EBF2: variants seen among roughly 807,000 people sequenced by gnomAD.
EBF2 encodes transcription factor COE2.
EBF2 carries 21 observed loss-of-function variants against 72.8 expected under a neutral mutation model. The ratio of observed to expected loss-of-function variants is 0.29; its 90% CI spans 0.20 to 0.42. The LOEUF (loss-of-function observed/expected upper bound fraction) is 0.42. EBF2 is among the 10% of genes least tolerant of loss of function. EBF2 has a pLI of 1.00. For synonymous variants in EBF2, 299 were observed against 274.2 expected, an observed-to-expected ratio of 1.09 and a Z score of -0.89; for missense variants, 637 against 731.2, an observed-to-expected ratio of 0.87 and a Z score of 1.49.
Position 25,843,324 on chromosome 8 carries a change from C to T in EBF2, c.*1285G>A, listed in dbSNP as rs1801769860. 2 of 152,116 alleles carry T rather than the reference C, an allele frequency of 1.3e-5. No homozygotes were observed. Among genetic ancestry groups the T allele is most frequent in the Non-Finnish European group, 1.5e-5 (1 of 68,028 alleles). 9.4% of individuals were successfully genotyped at this position (152,116 alleles called of 1,614,324 possible). Reference sequence around the variant, plus strand: ...TATGTTTTTCAAGAGAGTTTAATGCCATAAAAGGGGAAATTGACAGGGAGA... The same window carrying T: ...TATGTTTTTCAAGAGAGTTTAATGCTATAAAAGGGGAAATTGACAGGGAGA... On this transcript the variant is annotated 3_prime_UTR_variant, in exon 16 of 16. Transcript: ENST00000520164.
chr8:25,850,891 A>T, intron 14 of EBF2, 130 bp from the exon 15 acceptor site: 2 of 1,014,110 alleles, frequency 2.0e-6, no homozygotes, highest in Non-Finnish European at 2.8e-6. Flanking sequence ...AAAAAAAAAA[A>T]GTTGAATGTG....
intron 10 of EBF2, among the ~76,000 whole-genome samples, chr8:25,881,609 G>C (rs75011424): frequency 6.6e-6 from 1 of 152,238 alleles, no homozygotes. Flanking sequence ...GTGCTGGGTA[G>C]AGGAAGGCCT....
intron 6 of EBF2, among the ~76,000 whole-genome samples, chr8:25,939,086 C>A (rs1430294585): frequency 6.6e-6 from 1 of 152,060 alleles, no homozygotes. Context: ...ACTTCATGCT[C>A]AAGACAAAAA....
In EBF2 at chr8:26,044,661, G is replaced by T; in HGVS notation, c.131+68C>A. The T allele has an allele frequency of 3.8e-6, 6 of 1,563,132 alleles. No homozygotes were observed. Among genetic ancestry groups the T allele is most frequent in the Non-Finnish European group, 5.2e-6 (6 of 1,148,270 alleles). ...GAGAAAGGCACGGGGTGCGCGGGGG[G>T]GGTGCACACGGAGAGACAGACCGTA... is the stretch of plus-strand genomic sequence containing the variant. On this transcript the variant is annotated intron_variant, in intron 1 of 15. Coordinates refer to ENST00000520164, the MANE Select transcript of EBF2 (RefSeq NM_022659.4). This position sits in a 1 kb window ranked among gnomAD's most constrained non-coding sequence, Gnocchi z 4.1.
At position 25,842,445 on chromosome 8, in the gene EBF2, C is replaced by T. The variant is rs1339229128; in HGVS notation, c.*2164G>A. 2 of 151,994 alleles carry T rather than the reference C, an allele frequency of 1.3e-5. No individual in the cohort carries two copies. The highest frequency in any genetic ancestry group is 2.9e-5 in the Non-Finnish European group (2 of 68,004). The allele number at this position is 151,994 out of a possible 1,614,324, so 9.4% of individuals were successfully genotyped here. A position where few individuals can be genotyped will look rare whatever the true frequency, so the allele number is the denominator to read the frequency against. ...AAATTCACAGGTTCTAAAAGCAATG[C>T]TACTTAAAAAAAACAAAATTTCCTT... On this transcript the variant is annotated 3_prime_UTR_variant, in exon 16 of 16. Transcript: ENST00000520164.
At chr8:26,019,370 G>C (rs112782791) in intron 6 of EBF2, among the ~76,000 whole-genome samples, 25 of 152,032 alleles carry the variant, frequency 1.6e-4, no homozygotes, top group African/African-American at 4.8e-4. Context: ...TTTTCTACCA[G>C]GGAAAACGCT....
At chr8:25,872,567 A>G (rs1240462257) in intron 10 of EBF2, among the ~76,000 whole-genome samples, 1 of 152,168 alleles carries the variant, frequency 6.6e-6, no homozygotes, top group Non-Finnish European at 1.5e-5. Context: ...ATGGTCTCCT[A>G]AGGGTGACAG....
intron 6 of EBF2, among the ~76,000 whole-genome samples, chr8:25,917,917 C>T (rs117052105): frequency 6.6e-4 from 101 of 152,312 alleles, no homozygotes; most frequent in Non-Finnish European, 1.2e-3. Context: ...CTCTACCCTA[C>T]CATTAATTCA....
At chr8:25,934,537 A>G (rs777094801) in intron 6 of EBF2, among the ~76,000 whole-genome samples, 1 of 152,170 alleles carries the variant, frequency 6.6e-6, no homozygotes, top group Non-Finnish European at 1.5e-5. Flanking sequence ...AATTCAGCCC[A>G]TGGACTCACA....
chr8:25,941,648 T>G (rs1406296061), intron 6 of EBF2, among the ~76,000 whole-genome samples: 1 of 152,118 alleles, frequency 6.6e-6, no homozygotes, highest in Non-Finnish European at 1.5e-5. Flanking sequence ...CCCTAGTCTG[T>G]GCCCTAAGCT....
intron 15 of EBF2, among the ~76,000 whole-genome samples, chr8:25,848,627 C>T (rs1208229956): frequency 1.3e-5 from 2 of 152,124 alleles, no homozygotes; most frequent in African/African-American, 2.4e-5. Flanking sequence ...CTGAGACAAC[C>T]AGCTCCACTT....
At chr8:26,036,259 G>T (rs1414657155) in intron 5 of EBF2, among the ~76,000 whole-genome samples, 1 of 152,156 alleles carries the variant, frequency 6.6e-6, no homozygotes, top group East Asian at 1.9e-4. Context: ...AAAAATGTAA[G>T]CCTGGTGCCA....
intron 6 of EBF2, among the ~76,000 whole-genome samples, chr8:25,917,167 G>A (rs1333032344): frequency 1.3e-5 from 2 of 148,836 alleles, no homozygotes; most frequent in Non-Finnish European, 3.0e-5. Flanking sequence ...GGGGTTAGAT[G>A]TTGTGAGGTT....
chr8:26,032,605 G>A (rs542555662), intron 6 of EBF2: 1 of 154,528 alleles, frequency 6.5e-6, no homozygotes, highest in Non-Finnish European at 1.4e-5. Flanking sequence ...ATAGAACACA[G>A]AATGCAATCC....
At chr8:25,933,512 G>A (rs916994001) in intron 6 of EBF2, among the ~76,000 whole-genome samples, 8 of 152,112 alleles carry the variant, frequency 5.3e-5, no homozygotes, top group Non-Finnish European at 1.2e-4. Context: ...CTTTCTGGCT[G>A]TATGGCGATA....
At chr8:25,906,860 G>A (rs1209544507) in intron 7 of EBF2, among the ~76,000 whole-genome samples, 8 of 152,140 alleles carry the variant, frequency 5.3e-5, no homozygotes, top group Admixed American at 1.3e-4. Flanking sequence ...AAGGGAGGCT[G>A]GTAATAGTGT....
intron 6 of EBF2, among the ~76,000 whole-genome samples, chr8:26,020,824 G>A (rs557703896): frequency 1.8e-4 from 28 of 152,200 alleles, no homozygotes; most frequent in Admixed American, 3.9e-4. Context: ...TTCATCCTGT[G>A]CCTTGCCAGC....
intron 6 of EBF2, among the ~76,000 whole-genome samples, chr8:25,912,681 C>G (rs1328209932): frequency 6.6e-6 from 1 of 152,114 alleles, no homozygotes; most frequent in Admixed American, 6.5e-5. Context: ...GTATTGTGCT[C>G]TGTGTGCCAG....
At chr8:26,006,177 A>G (rs1804879024) in intron 6 of EBF2, among the ~76,000 whole-genome samples, 1 of 152,198 alleles carries the variant, frequency 6.6e-6, no homozygotes, top group Non-Finnish European at 1.5e-5. Flanking sequence ...CATTAGGGAT[A>G]GAAAATAAAA....
Sources: allele counts gnomAD v4.1 joint callset (sites outside exome capture counted in the v4.1 genomes callset), GRCh38; gene constraint gnomAD v4.1.1; non-coding constraint Gnocchi (gnomAD v3.1); transcripts MANE v1.5; gene names NCBI Gene and HGNC (gene_info 2026-07-23, HGNC 2026-07-21).